PTPRZ1: variants seen among roughly 807,000 people sequenced by gnomAD.
PTPRZ1 encodes the protein receptor-type tyrosine-protein phosphatase zeta.
PTPRZ1 carries 82 observed loss-of-function variants against 214.1 expected under a neutral mutation model. The ratio of observed to expected loss-of-function variants is 0.38; its 90% CI spans 0.32 to 0.46. The LOEUF is 0.46. PTPRZ1 is among the 20% of genes least tolerant of loss of function. The pLI, the probability that PTPRZ1 is intolerant of heterozygous loss-of-function variation, is 1.00. For missense variants in PTPRZ1, 2,603 were observed against 2,748.7 expected (o/e 0.95, Z 1.19); for synonymous variants, 945 against 987.9 (o/e 0.96, Z 0.81).
intron 8 of PTPRZ1, among the ~76,000 whole-genome samples, chr7:121,989,985 AT>A (rs907637397): frequency 5.3e-5 from 8 of 151,938 alleles, no homozygotes; most frequent in African/African-American, 1.9e-4. Flanking sequence ...CTGTTTACTG[AT>A]TTTTTTTACT....
intron 2 of PTPRZ1, among the ~76,000 whole-genome samples, chr7:121,958,973 A>AC (rs1396376485): frequency 1.3e-5 from 2 of 151,950 alleles, no homozygotes; most frequent in Non-Finnish European, 2.9e-5. Flanking sequence ...ACAGGTGCCC[A>AC]CCACCATGGC....
At chr7:122,045,937 GAT>G (rs1799884663) in intron 23 of PTPRZ1, among the ~76,000 whole-genome samples, 1 of 151,950 alleles carries the variant, frequency 6.6e-6, no homozygotes, top group Non-Finnish European at 1.5e-5. Flanking sequence ...CCCATAAAAA[GAT>G]ATCTATTCGA....
intron 1 of PTPRZ1, among the ~76,000 whole-genome samples, chr7:121,918,295 T>C (rs956896527): frequency 3.3e-5 from 5 of 152,214 alleles, no homozygotes; most frequent in Admixed American, 6.5e-5. Flanking sequence ...TGTGCTGTTT[T>C]AGAAATAAGA....
At chr7:122,039,384 T>G (rs1799645667) in intron 19 of PTPRZ1, 70 bp from the exon 20 acceptor site, 5 of 1,532,220 alleles carry the variant, frequency 3.3e-6, no homozygotes, top group Non-Finnish European at 3.6e-6. Flanking sequence ...AGACCTTTAC[T>G]GATTTCAGGG....
intron 8 of PTPRZ1, among the ~76,000 whole-genome samples, chr7:121,994,485 A>G (rs4595069): frequency 0.99 from 149,972 of 151,774 alleles, 74,122 homozygotes; most frequent in East Asian, 1. Context: ...TAGTAGAGAC[A>G]GGGTTTCACC....
At chr7:121,914,043 G>A (rs1169318529) in intron 1 of PTPRZ1, among the ~76,000 whole-genome samples, 3 of 152,168 alleles carry the variant, frequency 2.0e-5, no homozygotes, top group Admixed American at 6.5e-5. Flanking sequence ...GCCTGGTGTG[G>A]TGGCTCATGC....
intron 2 of PTPRZ1, among the ~76,000 whole-genome samples, chr7:121,937,889 G>A (rs1005992320): frequency 6.6e-6 from 1 of 152,078 alleles, no homozygotes; most frequent in African/African-American, 2.4e-5. Flanking sequence ...AGAGATCTGA[G>A]CCATTATCTT....
intron 13 of PTPRZ1, among the ~76,000 whole-genome samples, chr7:122,027,559 G>T (rs557511173): frequency 6.6e-6 from 1 of 152,118 alleles, no homozygotes; most frequent in Non-Finnish European, 1.5e-5. Flanking sequence ...TGAGATTGTC[G>T]TTTTCAGTCA....
At chr7:121,927,662 G>T (rs574161996) in intron 1 of PTPRZ1, among the ~76,000 whole-genome samples, 1 of 152,144 alleles carries the variant, frequency 6.6e-6, no homozygotes. Context: ...CTTTCTGACC[G>T]CAGCTAATTT....
At chr7:121,959,509 T>C (rs1796813416) in intron 2 of PTPRZ1, among the ~76,000 whole-genome samples, 1 of 152,212 alleles carries the variant, frequency 6.6e-6, no homozygotes, top group African/African-American at 2.4e-5. Flanking sequence ...ACATGAGAAG[T>C]TGTCACAGAC....
intron 13 of PTPRZ1, among the ~76,000 whole-genome samples, chr7:122,024,837 T>C (rs889421185): frequency 2.6e-5 from 4 of 152,202 alleles, no homozygotes; most frequent in African/African-American, 9.6e-5. Flanking sequence ...TTCTATGAGA[T>C]GCTGCCTTCT....
intron 6 of PTPRZ1, among the ~76,000 whole-genome samples, chr7:121,978,795 A>G (rs1797517792): frequency 6.6e-6 from 1 of 152,216 alleles, no homozygotes; most frequent in African/African-American, 2.4e-5. Context: ...GTATTTCAAT[A>G]TACTCAGCAA....
In PTPRZ1 at chr7:121,904,231, A is replaced by T. The variant is rs73717746; in HGVS notation, c.59-23925A>T. 5.4e-3 allele frequency among the ~76,000 whole-genome samples: 829 copies of T among 152,244 alleles called. 4 individuals are homozygous for T. The highest frequency in any genetic ancestry group is 0.019 in the African/African-American group (799 of 41,544). ...CCAAGTAGGGGAAAACAGAATGGGG[A>T]GACAAGGGAGATTGAGCCGTTTTTC... On this transcript the variant is annotated intron_variant, in intron 1 of 29. Transcript: ENST00000393386.
chr7:122,033,074 A>T (rs917547765), intron 15 of PTPRZ1, among the ~76,000 whole-genome samples: 1 of 152,050 alleles, frequency 6.6e-6, no homozygotes, highest in Non-Finnish European at 1.5e-5. Flanking sequence ...TTTGAATATT[A>T]TTAAGCAGTC....
intron 27 of PTPRZ1, 24 bp downstream of exon 27, chr7:122,055,111 A>G (rs1584783359): frequency 6.7e-7 from 1 of 1,486,022 alleles, no homozygotes; most frequent in Middle Eastern, 1.8e-4. Context: ...TTAAATGACA[A>G]ACTTTTTATC....
intron 1 of PTPRZ1, among the ~76,000 whole-genome samples, chr7:121,919,373 A>T (rs1434800211): frequency 1.3e-5 from 2 of 152,024 alleles, no homozygotes; most frequent in African/African-American, 4.8e-5. Context: ...GATTTGTGAT[A>T]ATTTTGTATG....
chr7:121,959,014 G>A (rs200798453), intron 2 of PTPRZ1, among the ~76,000 whole-genome samples: 4 of 152,040 alleles, frequency 2.6e-5, no homozygotes, highest in East Asian at 3.9e-4. Flanking sequence ...TAGTAGAGGC[G>A]GGGTTTCACC....
At chr7:121,897,194 A>G (rs1563006542) in intron 1 of PTPRZ1, among the ~76,000 whole-genome samples, 1 of 152,210 alleles carries the variant, frequency 6.6e-6, no homozygotes, top group Non-Finnish European at 1.5e-5. Context: ...CCTTAAAGTC[A>G]TAAGTGGAAG....
chr7:121,978,009 C>G (rs1042378685), intron 6 of PTPRZ1, among the ~76,000 whole-genome samples: 1 of 152,152 alleles, frequency 6.6e-6, no homozygotes, highest in African/African-American at 2.4e-5. Flanking sequence ...ACCTTTGAGA[C>G]TTTCTCTTAA....
Sources: allele counts gnomAD v4.1 joint callset (sites outside exome capture counted in the v4.1 genomes callset), GRCh38; gene constraint gnomAD v4.1.1; transcripts MANE v1.5; gene names NCBI Gene and HGNC (gene_info 2026-07-23, HGNC 2026-07-21).